Variants in GALNT13 observed in about 807,000 individuals in gnomAD.
The protein encoded by GALNT13 is polypeptide N-acetylgalactosaminyltransferase 13, also known as UDP-GalNAc:polypeptide N-acetylgalactosaminyltransferase 13.
GALNT13 carries 28 observed loss-of-function variants against 64.2 expected under a neutral mutation model. That is an observed-to-expected ratio of 0.44 (90% CI 0.32 to 0.60). The LOEUF (loss-of-function observed/expected upper bound fraction) is 0.60, where lower values mean the gene tolerates loss of function less well. GALNT13 is among the 20% of genes least tolerant of loss of function. The pLI, the probability that GALNT13 is intolerant of heterozygous loss-of-function variation, is 0.05. For missense variants in GALNT13, 577 were observed against 669.8 expected, an observed-to-expected ratio of 0.86 and a Z score of 1.53; for synonymous variants, 214 against 224.6, an observed-to-expected ratio of 0.95 and a Z score of 0.42.
the GALNT13 span, among the ~76,000 whole-genome samples, chr2:153,701,666 G>T: frequency 4.4e-4 from 67 of 152,136 alleles, no homozygotes; most frequent in African/African-American, 1.4e-3. Flanking sequence ...TCGAAAAATG[G>T]GCAAAGGATA....
the GALNT13 span, among the ~76,000 whole-genome samples, chr2:153,463,400 C>T: frequency 6.6e-6 from 1 of 152,036 alleles, no homozygotes; most frequent in Non-Finnish European, 1.5e-5. Flanking sequence ...ACACTTTGTT[C>T]GTTGCCTAGG....
chr2:153,245,549 T>C, the GALNT13 span, among the ~76,000 whole-genome samples: 1 of 152,114 alleles, frequency 6.6e-6, no homozygotes, highest in Admixed American at 6.5e-5. Flanking sequence ...AAAAGGGGCC[T>C]GACTGTTCGA....
chr2:154,307,990 C>G (rs771771819), intron 9 of GALNT13, among the ~76,000 whole-genome samples: 19 of 152,086 alleles, frequency 1.2e-4, no homozygotes, highest in Admixed American at 2.0e-4. Context: ...GAAGGTAGAT[C>G]TCTAGCTGTA....
At chr2:153,116,610 A>G in the GALNT13 span, among the ~76,000 whole-genome samples, 1 of 152,114 alleles carries the variant, frequency 6.6e-6, no homozygotes, top group African/African-American at 2.4e-5. Context: ...AAAAAATCAA[A>G]TCTAGCTTTA....
chr2:153,760,035 G>A, the GALNT13 span, among the ~76,000 whole-genome samples: 2 of 151,664 alleles, frequency 1.3e-5, no homozygotes, highest in African/African-American at 4.8e-5. Context: ...ATGTATCTAC[G>A]AATTTATCCA....
chr2:153,380,727 A>AT, the GALNT13 span, among the ~76,000 whole-genome samples: 3 of 152,122 alleles, frequency 2.0e-5, no homozygotes, highest in Non-Finnish European at 4.4e-5. Context: ...TTTAAACTCC[A>AT]TTTTATGGTT....
the GALNT13 span, among the ~76,000 whole-genome samples, chr2:153,241,812 G>GACA: frequency 1.3e-5 from 2 of 151,970 alleles, no homozygotes; most frequent in Admixed American, 6.6e-5. Context: ...CTTATAGAAA[G>GACA]AATTTGTCTT....
the GALNT13 span, among the ~76,000 whole-genome samples, chr2:153,167,059 A>C: frequency 1.3e-5 from 2 of 152,234 alleles, no homozygotes; most frequent in African/African-American, 4.8e-5. Context: ...TGACCCGAAG[A>C]AACTATGAGA....
At chr2:153,244,207 G>T in the GALNT13 span, among the ~76,000 whole-genome samples, 1 of 152,010 alleles carries the variant, frequency 6.6e-6, no homozygotes, top group East Asian at 1.9e-4. Context: ...CAGAGTAAAG[G>T]TTTTTCTTTT....
chr2:154,003,501 T>A (rs1696048945), intron 3 of GALNT13, among the ~76,000 whole-genome samples: 1 of 152,168 alleles, frequency 6.6e-6, no homozygotes. Context: ...ACTTTCTAGG[T>A]GTACTTTTGT....
At position 154,332,202 on chromosome 2, in the gene GALNT13, T is replaced by G. The variant is rs573595266; in HGVS notation, c.1156+30613T>G. On this transcript the variant is annotated intron_variant, in intron 9 of 12. Transcript: ENST00000392825. ...AGGAAAAACTGGAGGAGAAAAGAAT[T>G]GAGGTTGTCCTTGAGTACATGTGTT... Among the ~76,000 whole-genome samples, 5 of 152,204 alleles carry G rather than the reference T, an allele frequency of 3.3e-5. No homozygotes were observed. The East Asian group carries it at 9.7e-4, about 29-fold the overall frequency.
At position 154,246,047 on chromosome 2, in the gene GALNT13, T is replaced by C. The variant is rs1433314884; in HGVS notation, c.857+65T>C. 1.5e-5 allele frequency: 17 copies of C among 1,098,970 alleles called. No individual in the cohort carries two copies. In the Admixed American group the frequency reaches 4.0e-4, roughly 26 times the overall value. The allele number at this position is 1,098,970 out of a possible 1,614,324, so 68.1% of individuals were successfully genotyped here. On this transcript the variant is annotated intron_variant, in intron 7 of 12. Transcript: ENST00000392825. The stretch of plus-strand genomic sequence containing the variant: ...CTAAAAATTAAGGAATATTATAGAT[T>C]TCTGTTCTAATGTTTAATTATTTAA...
At chr2:154,209,443 T>A (rs1421201992) in intron 4 of GALNT13, among the ~76,000 whole-genome samples, 2 of 152,198 alleles carry the variant, frequency 1.3e-5, no homozygotes, top group Non-Finnish European at 2.9e-5. Flanking sequence ...AACTTCTGAC[T>A]GAATCTATAA....
At chr2:154,417,282 CAAAAAA>C (rs35825821) in intron 11 of GALNT13, among the ~76,000 whole-genome samples, 1 of 75,132 alleles carries the variant, frequency 1.3e-5, no homozygotes, top group East Asian at 3.8e-4. Context: ...AAACAAGCAC[CAAAAAA>C]AAAAAAAAAA....
the GALNT13 span, among the ~76,000 whole-genome samples, chr2:153,274,313 C>T: frequency 6.6e-6 from 1 of 152,250 alleles, no homozygotes; most frequent in South Asian, 2.1e-4. Flanking sequence ...TGGGTCAGGG[C>T]CTATGTGGTT....
intron 3 of GALNT13, among the ~76,000 whole-genome samples, chr2:154,130,934 A>G (rs1682575360): frequency 6.6e-6 from 1 of 151,324 alleles, no homozygotes; most frequent in African/African-American, 2.5e-5. Context: ...AACATCTGGC[A>G]GCCAGATTGG....
chr2:153,314,560 A>C, the GALNT13 span, among the ~76,000 whole-genome samples: 1 of 152,156 alleles, frequency 6.6e-6, no homozygotes, highest in African/African-American at 2.4e-5. Flanking sequence ...CAATAAATTT[A>C]AAAACACTGA....
At chr2:153,255,367 G>A in the GALNT13 span, among the ~76,000 whole-genome samples, 3 of 137,668 alleles carry the variant, frequency 2.2e-5, no homozygotes, top group Admixed American at 7.4e-5. Context: ...GTGTGTCTCT[G>A]CACGTGAGAT....
chr2:153,176,783 A>G, the GALNT13 span, among the ~76,000 whole-genome samples: 1 of 151,726 alleles, frequency 6.6e-6, no homozygotes, highest in Non-Finnish European at 1.5e-5. Flanking sequence ...AAAAAAAAAA[A>G]AAAAGATGCA....
Sources: gnomAD v4.1 joint callset for allele counts (sites outside exome capture counted in the v4.1 genomes callset) on GRCh38, gnomAD v4.1.1 for gene constraint, MANE v1.5 for transcripts, NCBI Gene and HGNC (gene_info 2026-07-23, HGNC 2026-07-21) for gene names.